Variants in ZMYM6 observed in about 807,000 individuals in gnomAD.
ZMYM6 encodes the protein zinc finger MYM-type protein 6.
Under a neutral mutation model 134.0 loss-of-function variants are expected in ZMYM6, and 90 were observed. The observed-to-expected ratio is 0.67, with a 90% CI of 0.57 to 0.80. The LOEUF is 0.80. Ranked by LOEUF, ZMYM6 falls within the 30% of genes least tolerant of loss-of-function variation. ZMYM6 has a pLI of 0.00. For synonymous variants in ZMYM6, 481 were observed against 524.1 expected (o/e 0.92, Z 1.12); for missense variants, 1,362 against 1,533.9 (o/e 0.89, Z 1.87).
At chr1:35,001,270 GTTT>G (rs35069895) in intron 14 of ZMYM6, among the ~76,000 whole-genome samples, 31 of 111,128 alleles carry the variant, frequency 2.8e-4, no homozygotes, top group African/African-American at 8.4e-4. Flanking sequence ...ACTGTCAGGT[GTTT>G]TTTTTTTTTT....
Position 34,987,986 on chromosome 1 carries a change from C to T in ZMYM6, c.3096G>A (p.Gln1032=). 3 of 1,551,292 alleles carry T rather than the reference C, an allele frequency of 1.9e-6. No homozygotes were observed. Among genetic ancestry groups the T allele is most frequent in the East Asian group, 2.4e-5 (1 of 40,918 alleles). ...TTATAAAACTTAAAATTTGTGCTGA[C>T]TGCAAAAGAATTTTATGTAAACATG... The part of the protein sequence containing the change: ...LSPCLHKILL[Q]SAQILSFIKS... Residue 1032 remains glutamine (Q), a synonymous_variant, in exon 16 of 16, where the codon CAG becomes CAA. Transcript: ENST00000357182.
Position 35,012,537 on chromosome 1 carries a change from C to A in ZMYM6, c.840G>T (p.Arg280Ser). 6.2e-7 allele frequency: 1 copy of A among 1,613,320 alleles called. No homozygotes were observed. The highest frequency in any genetic ancestry group is 8.5e-7 in the Non-Finnish European group (1 of 1,179,722). ...IPPYALGKSL[R>S]PSAEMIETTN... is the part of the protein sequence containing the mutation. The stretch of plus-strand genomic sequence containing the variant: ...TAGTCTCAATCATTTCAGCTGAGGG[C>A]CTCAATGACTTCCCCAGGGCATATG... Residue 280 changes from arginine to serine, a missense_variant, in exon 7 of 16, where the codon AGG becomes AGT. Around this residue, in one of 3 missense-constraint regions of ZMYM6, gnomAD observed 503 missense variants for 520.8 expected, o/e 0.97. Transcript: ENST00000357182.
chr1:34,998,406 A>C (rs1162309937), intron 14 of ZMYM6, among the ~76,000 whole-genome samples: 1 of 152,190 alleles, frequency 6.6e-6, no homozygotes, highest in Non-Finnish European at 1.5e-5. Context: ...AATATGTGGA[A>C]ACTTGCTCTT....
chr1:35,031,442 T>C (rs1476225411), intron 1 of ZMYM6: 5 of 152,232 alleles, frequency 3.3e-5, no homozygotes, highest in Admixed American at 2.0e-4. Context: ...TCTTCAAAGT[T>C]GTCTTTATCC....
At position 35,004,045 on chromosome 1, in the gene ZMYM6, T is replaced by G. The variant is rs763691433; in HGVS notation, c.1955-40A>C. The stretch of plus-strand genomic sequence containing the variant: ...AACAAATATTATTATCCTTAGAATA[T>G]ACAGAAGTAAACACTGAAATCAAGA... On this transcript the variant is annotated intron_variant, in intron 13 of 15. Transcript: ENST00000357182. The G allele has an allele frequency of 1.9e-6, 3 of 1,542,864 alleles. No homozygotes were observed. In the African/African-American group the frequency reaches 4.1e-5, roughly 21 times the overall value.
chr1:35,015,210 G>A, intron 4 of ZMYM6, 48 bp from the exon 5 acceptor site: 3 of 1,484,194 alleles, frequency 2.0e-6, no homozygotes, highest in East Asian at 4.8e-5. Flanking sequence ...CTTCACAACT[G>A]TAACTTCCTC....
In ZMYM6 at chr1:35,006,937, A is replaced by G; in HGVS notation, c.1813+14T>C. 3.1e-6 allele frequency: 5 copies of G among 1,604,078 alleles called. No homozygotes were observed. Among genetic ancestry groups the G allele is most frequent in the Non-Finnish European group, 4.3e-6 (5 of 1,175,416 alleles). ...CACTGACATAAAAATCCCATTAGCTAAGTTTAATTTTACCTTTATTTTGTG... is the reference window on the plus strand; with the variant it reads ...CACTGACATAAAAATCCCATTAGCTGAGTTTAATTTTACCTTTATTTTGTG... On this transcript the variant is annotated intron_variant, in intron 12 of 15. Transcript: ENST00000357182.
At chr1:35,028,349 G>C (rs1641453068) in intron 2 of ZMYM6, among the ~76,000 whole-genome samples, 1 of 151,730 alleles carries the variant, frequency 6.6e-6, no homozygotes, top group African/African-American at 2.4e-5. Context: ...CTGCCTGTGA[G>C]ATGGTGTGAA....
At chr1:35,003,505 T>C (rs1569760792) in intron 14 of ZMYM6, among the ~76,000 whole-genome samples, 1 of 152,178 alleles carries the variant, frequency 6.6e-6, no homozygotes, top group East Asian at 1.9e-4. Context: ...TACACTGAAC[T>C]TTCAAAACTT....
chr1:34,986,946 A>G lies in ZMYM6; in HGVS notation c.*158T>C, dbSNP rs1640587927. On this transcript the variant is annotated 3_prime_UTR_variant, in exon 16 of 16. Coordinates refer to ENST00000357182, the MANE Select transcript of ZMYM6 (RefSeq NM_007167.4). ...TTATAATTATACATAATTATTTATA[A>G]CAATCATAATTATTAAATTCCTCAA... 1 of 447,082 alleles carries G rather than the reference A, an allele frequency of 2.2e-6. No homozygotes were observed. The highest frequency in any genetic ancestry group is 4.2e-5 in the Admixed American group (1 of 24,046). The allele number at this position is 447,082 out of a possible 1,614,324, so 27.7% of individuals were successfully genotyped here.
At chr1:35,012,400 A>G in intron 7 of ZMYM6, 31 bp downstream of exon 7, 1 of 1,432,532 alleles carries the variant, frequency 7.0e-7, no homozygotes, top group Non-Finnish European at 9.2e-7. Context: ...ATAGTTATTA[A>G]ATCTATAAAT....
chr1:35,008,708 G>C, intron 11 of ZMYM6, 44 bp downstream of exon 11: 1 of 1,573,026 alleles, frequency 6.4e-7, no homozygotes, highest in Non-Finnish European at 8.6e-7. Flanking sequence ...AAAACAATTT[G>C]CACTGATTTC....
chr1:34,993,419 A>G (rs187681245), intron 14 of ZMYM6, among the ~76,000 whole-genome samples: 3 of 152,232 alleles, frequency 2.0e-5, no homozygotes, highest in Admixed American at 6.5e-5. Context: ...CTGGGATCAC[A>G]AAGTATTCTT....
Position 35,010,839 on chromosome 1 carries a change from A to G in ZMYM6, c.1260T>C (p.Ala420=). Residue 420 remains alanine, a synonymous_variant, in exon 9 of 16, where the codon GCT becomes GCC. Transcript: ENST00000357182. ...TGAGTTTAACAACTGTATGGGTTAA[A>G]GCAACTTGCTGGGATTGTTCAGCAA... ...QPLAEQSQQV[A]LTHTVVKLKC... 6.2e-7 allele frequency: 1 copy of G among 1,613,170 alleles called. No homozygotes were observed. The highest frequency in any genetic ancestry group is 1.1e-5 in the South Asian group (1 of 90,930).
chr1:34,997,193 G>A (rs985175899), intron 14 of ZMYM6, among the ~76,000 whole-genome samples: 12 of 152,322 alleles, frequency 7.9e-5, no homozygotes, highest in African/African-American at 2.9e-4. Flanking sequence ...TTAAGCCATA[G>A]TTCTAACCAG....
chr1:35,026,902 G>A (rs2148462727), intron 2 of ZMYM6, among the ~76,000 whole-genome samples: 1 of 152,140 alleles, frequency 6.6e-6, no homozygotes, highest in East Asian at 1.9e-4. Context: ...GCAGTCTAGT[G>A]TGTCAATGAA....
chr1:34,990,139 T>C (rs940821601), intron 15 of ZMYM6: 3 of 168,136 alleles, frequency 1.8e-5, no homozygotes, highest in African/African-American at 7.0e-5. Context: ...CATACATTGA[T>C]GTAACTTTTC....
intron 14 of ZMYM6, among the ~76,000 whole-genome samples, chr1:34,996,566 GTGTGTGTGTGTA>G (rs1422429113): frequency 6.6e-6 from 1 of 152,018 alleles, no homozygotes; most frequent in Non-Finnish European, 1.5e-5. Flanking sequence ...ATATATACAA[GTGTGTGTGTGTA>G]TGTGTGTGTG....
At chr1:35,015,929 A>G (rs1172878712) in intron 4 of ZMYM6, among the ~76,000 whole-genome samples, 1 of 145,354 alleles carries the variant, frequency 6.9e-6, no homozygotes, top group Admixed American at 6.7e-5. Context: ...TGAGACAATA[A>G]ATGAATTTTT....
Sources: gnomAD v4.1 joint callset for allele counts (sites outside exome capture counted in the v4.1 genomes callset) on GRCh38, gnomAD v4.1.1 for gene constraint, gnomAD v4.1.1 regional missense constraint, MANE v1.5 for transcripts, NCBI Gene and HGNC (gene_info 2026-07-23, HGNC 2026-07-21) for gene names.